Variants in LETM2 observed in about 807,000 individuals in gnomAD.
The protein encoded by LETM2 is LETM1 domain-containing protein LETM2, mitochondrial.
A neutral mutation model predicts 59.6 loss-of-function variants in LETM2; 58 were observed. The ratio of observed to expected loss-of-function variants is 0.97; its 90% CI spans 0.79 to 1.21. The LOEUF (loss-of-function observed/expected upper bound fraction) is 1.21. LETM2 is among the 50% of genes most tolerant of loss of function. LETM2 has a pLI of 0.00. For synonymous variants in LETM2, 199 were observed against 214.1 expected, an observed-to-expected ratio of 0.93 and a Z score of 0.62; for missense variants, 572 against 575.7, an observed-to-expected ratio of 0.99 and a Z score of 0.07.
intron 3 of LETM2, 31 bp downstream of exon 3, chr8:38,393,026 T>C: frequency 6.5e-7 from 1 of 1,527,150 alleles, no homozygotes; most frequent in Non-Finnish European, 8.8e-7. Context: ...AGAAAGAAAA[T>C]GTGAAATTAA....
At chr8:38,399,901 G>T (rs1176627439) in intron 4 of LETM2, among the ~76,000 whole-genome samples, 1 of 152,064 alleles carries the variant, frequency 6.6e-6, no homozygotes, top group Non-Finnish European at 1.5e-5. Context: ...AGCCGAGATC[G>T]TGCCACTGCA....
chr8:38,403,801 A>G (rs1173375013), intron 7 of LETM2, among the ~76,000 whole-genome samples: 2 of 152,210 alleles, frequency 1.3e-5, no homozygotes, highest in African/African-American at 4.8e-5. Context: ...TGACACTGTC[A>G]CTGCAGAAGC....
intron 4 of LETM2, among the ~76,000 whole-genome samples, chr8:38,394,806 C>T (rs1812556568): frequency 6.8e-6 from 1 of 147,126 alleles, no homozygotes; most frequent in African/African-American, 2.5e-5. Context: ...AGTGTCACTG[C>T]ACTCCAGAGG....
Position 38,400,235 on chromosome 8 carries a change from C to T in LETM2, c.646-37C>T, listed in dbSNP as rs368757981. On this transcript the variant is annotated intron_variant, in intron 4 of 10. Transcript: ENST00000379957. ...ATCTTTATCTACCAATTTACAATCA[C>T]GAAGGATTGAGTAACTTTTATTCTT... The T allele has an allele frequency of 1.8e-4, 273 of 1,537,912 alleles. No homozygotes were observed. In the Middle Eastern group the frequency reaches 2.7e-3, roughly 15 times the overall value.
chr8:38,396,977 G>A, intron 4 of LETM2: 1 of 387,382 alleles, frequency 2.6e-6, no homozygotes, highest in Non-Finnish European at 5.1e-6. Flanking sequence ...TGGAACAGTA[G>A]GTATGATTTA....
chr8:38,406,106 C>A (rs1437691257), intron 8 of LETM2, among the ~76,000 whole-genome samples: 1 of 152,170 alleles, frequency 6.6e-6, no homozygotes, highest in African/African-American at 2.4e-5. Context: ...TTTTTCAAAT[C>A]TAATTCCTAA....
intron 10 of LETM2, among the ~76,000 whole-genome samples, chr8:38,407,729 G>C (rs986660316): frequency 3.3e-5 from 5 of 151,612 alleles, no homozygotes; most frequent in African/African-American, 1.2e-4. Context: ...TTTTTCTTAT[G>C]TGCCAGGTGG....
intron 3 of LETM2, chr8:38,393,246 G>A (rs981966450): frequency 7.3e-6 from 3 of 412,692 alleles, no homozygotes; most frequent in Non-Finnish European, 1.3e-5. Context: ...AGGGGTACAT[G>A]TGCATGTTTG....
chr8:38,395,476 T>C (rs1222040421), intron 4 of LETM2, among the ~76,000 whole-genome samples: 1 of 152,170 alleles, frequency 6.6e-6, no homozygotes, highest in Non-Finnish European at 1.5e-5. Flanking sequence ...TATTTACCAT[T>C]TGTGTATCTT....
At chr8:38,396,022 T>C (rs891330343) in intron 4 of LETM2, among the ~76,000 whole-genome samples, 2 of 152,188 alleles carry the variant, frequency 1.3e-5, no homozygotes, top group Non-Finnish European at 2.9e-5. Context: ...ATTTTTTCTT[T>C]CATGAATCAT....
chr8:38,402,964 TCA>T (rs951143477), intron 7 of LETM2, among the ~76,000 whole-genome samples: 4 of 152,048 alleles, frequency 2.6e-5, no homozygotes, highest in African/African-American at 9.7e-5. Flanking sequence ...CCAAGTTCAT[TCA>T]GTTTGTTGGC....
chr8:38,392,799 T>C lies in LETM2; in HGVS notation c.305T>C (p.Val102Ala). The change falls in exon 3 of 11, where the codon GTG becomes GCG. Residue 102 changes from valine to alanine, a missense_variant. Coordinates refer to ENST00000379957, the MANE Select transcript of LETM2 (RefSeq NM_001286819.2). The stretch of plus-strand genomic sequence containing the variant: ...GAGCAAGCCACAAAACATCCACAGG[T>C]GACAAGCCCTCAGGCCACAAAAGAA... ...QLEQATKHPQ[V>A]TSPQATKETG... 6.2e-7 allele frequency: 1 copy of C among 1,613,968 alleles called. No homozygotes were observed. Among genetic ancestry groups the C allele is most frequent in the Non-Finnish European group, 8.5e-7 (1 of 1,180,012 alleles).
chr8:38,406,817 A>G (rs1207983671), intron 8 of LETM2, 129 bp from the exon 9 acceptor site: 5 of 615,646 alleles, frequency 8.1e-6, no homozygotes, highest in African/African-American at 7.4e-5. Context: ...TAAAGGGTGT[A>G]GCTAGAGGAG....
chr8:38,386,860 A>G (rs1047888016), intron 1 of LETM2: 1 of 152,462 alleles, frequency 6.6e-6, no homozygotes, highest in Non-Finnish European at 1.5e-5. Flanking sequence ...TTCATTTCCA[A>G]CAACCCCGAT....
At chr8:38,385,445 G>A (rs187473194), upstream of LETM2, among the ~76,000 whole-genome samples, 82 of 152,296 alleles carry the variant, frequency 5.4e-4, 1 homozygote, top group East Asian at 0.013. Flanking sequence ...CCAGGCTGGA[G>A]TGCAGTGGCG....
chr8:38,393,157 CA>C (rs1812434206), intron 3 of LETM2, 162 bp downstream of exon 3: 2 of 611,808 alleles, frequency 3.3e-6, no homozygotes, highest in East Asian at 5.6e-5. Flanking sequence ...ACTTACTGTA[CA>C]ACTTTAGTCA....
At position 38,407,377 on chromosome 8, in the gene LETM2, C is replaced by G. The variant is rs763260402; in HGVS notation, c.1327C>G (p.Gln443Glu). 6.2e-7 allele frequency: 1 copy of G among 1,611,982 alleles called. No individual in the cohort carries two copies. Residue 443 changes from glutamine to glutamate, a missense_variant, in exon 10 of 11, where the codon CAG becomes GAG. Coordinates refer to ENST00000379957, the MANE Select transcript of LETM2 (RefSeq NM_001286819.2). The stretch of plus-strand genomic sequence containing the variant: ...GATGTTTAAGGATGAAGACTTTATA[C>G]AGCCGCCACCAGTTACATCATCACC... The part of the protein sequence containing the change: ...LKGTKDEDFI[Q>E]PPPVTSSPIT...
At chr8:38,405,298 T>C (rs575389490) in intron 8 of LETM2, among the ~76,000 whole-genome samples, 2 of 148,094 alleles carry the variant, frequency 1.4e-5, no homozygotes, top group South Asian at 4.2e-4. Context: ...AGCATAAGAT[T>C]GGCCCAGTCA....
chr8:38,400,718 T>G, intron 5 of LETM2, 135 bp from the exon 6 acceptor site: 1 of 831,160 alleles, frequency 1.2e-6, no homozygotes, highest in Non-Finnish European at 1.9e-6. Context: ...TATCTTTTCT[T>G]TATACCACGA....
Sources: allele counts gnomAD v4.1 joint callset (sites outside exome capture counted in the v4.1 genomes callset), GRCh38; gene constraint gnomAD v4.1.1; transcripts MANE v1.5; gene names NCBI Gene and HGNC (gene_info 2026-07-23, HGNC 2026-07-21).